MTMR1: variants seen among roughly 807,000 people sequenced by gnomAD.
MTMR1 encodes myotubularin related protein 1.
MTMR1 carries 17 observed loss-of-function variants against 51.6 expected under a neutral mutation model. The observed-to-expected ratio is 0.33, with a 90% CI of 0.23 to 0.49. The LOEUF is 0.49. MTMR1 is among the 20% of genes least tolerant of loss of function. The pLI is 0.99. For missense variants in MTMR1, 386 were observed against 526.9 expected, an observed-to-expected ratio of 0.73 and a Z score of 2.62; for synonymous variants, 201 against 205.6, an observed-to-expected ratio of 0.98 and a Z score of 0.19.
intron 2 of MTMR1, among the ~76,000 whole-genome samples, chrX:150,711,888 C>G (rs1198037254): frequency 9.0e-6 from 1 of 111,440 alleles, no homozygotes; most frequent in Non-Finnish European, 1.9e-5. Flanking sequence ...GCTCTGGGTC[C>G]AAGGTGGGGA....
At chrX:150,712,160 G>A (rs1412751188) in intron 2 of MTMR1, among the ~76,000 whole-genome samples, 182 bp from the exon 3 acceptor site, 2 of 111,976 alleles carry the variant, frequency 1.8e-5, no homozygotes, top group Non-Finnish European at 3.8e-5. Context: ...TAGGACAAAT[G>A]TGTTAGGATT....
chrX:150,736,297 G>C (rs370137512), intron 10 of MTMR1: 1 of 220,282 alleles, frequency 4.5e-6, no homozygotes. Context: ...GGGACTATCG[G>C]AACCTGGGGC....
At chrX:150,728,923 A>G (rs782782567) in intron 6 of MTMR1, among the ~76,000 whole-genome samples, 4 of 108,674 alleles carry the variant, frequency 3.7e-5, no homozygotes, top group Non-Finnish European at 7.6e-5. Context: ...GGCTTACTAA[A>G]CTCACTTTAG....
intron 15 of MTMR1, among the ~76,000 whole-genome samples, chrX:150,760,949 G>C (rs78563434): frequency 1.0e-5 from 1 of 96,956 alleles, no homozygotes; most frequent in Non-Finnish European, 2.1e-5. Flanking sequence ...AAAAAAAAAA[G>C]AAAAAGAAAA....
chrX:150,730,246 T>G (rs2042074128), intron 7 of MTMR1, 36 bp downstream of exon 7: 1 of 971,017 alleles, frequency 1.0e-6, no homozygotes, highest in African/African-American at 2.0e-5. Flanking sequence ...CTGCATGCAT[T>G]TGTGGGGGTC....
chrX:150,748,926 G>C (rs782299702), intron 13 of MTMR1, among the ~76,000 whole-genome samples: 1 of 111,995 alleles, frequency 8.9e-6, no homozygotes, highest in Non-Finnish European at 1.9e-5. Context: ...AATCTTAAAG[G>C]CTCCAAGAAA....
intron 8 of MTMR1, 90 bp downstream of exon 8, chrX:150,730,698 CTT>C: frequency 2.0e-6 from 1 of 510,804 alleles, no homozygotes; most frequent in Non-Finnish European, 3.1e-6. Flanking sequence ...GGAGAAGAAA[CTT>C]TTTCGAACAA....
At chrX:150,711,471 GGAACA>G (rs781888082) in intron 2 of MTMR1, among the ~76,000 whole-genome samples, 2 of 112,263 alleles carry the variant, frequency 1.8e-5, no homozygotes, top group Admixed American at 1.9e-4. Flanking sequence ...TTTGAAATGG[GGAACA>G]GAGATGGTTA....
chrX:150,698,328 G>T (rs1272086876), intron 1 of MTMR1, among the ~76,000 whole-genome samples: 1 of 110,382 alleles, frequency 9.1e-6, no homozygotes, highest in Admixed American at 9.6e-5. Context: ...AAAACCATTT[G>T]TAAGTTGTCA....
chrX:150,725,750 C>A (rs1024349389), intron 4 of MTMR1, among the ~76,000 whole-genome samples: 2 of 111,325 alleles, frequency 1.8e-5, no homozygotes, highest in Non-Finnish European at 3.8e-5. Flanking sequence ...AAACAGTTAT[C>A]TTTTAAGGAT....
At chrX:150,724,103 G>A (rs2041847652) in intron 4 of MTMR1, among the ~76,000 whole-genome samples, 1 of 111,804 alleles carries the variant, frequency 8.9e-6, no homozygotes, top group Non-Finnish European at 1.9e-5. Context: ...ACCTAGTAAT[G>A]GGATTGCTGG....
chrX:150,728,905 A>G (rs915260331), intron 6 of MTMR1, among the ~76,000 whole-genome samples: 2 of 108,594 alleles, frequency 1.8e-5, no homozygotes, highest in Admixed American at 9.9e-5. Context: ...CCAGATCATG[A>G]ATCTGTTGGC....
At chrX:150,726,149 G>A (rs1408729861) in intron 4 of MTMR1, among the ~76,000 whole-genome samples, 1 of 111,653 alleles carries the variant, frequency 9.0e-6, no homozygotes, top group Non-Finnish European at 1.9e-5. Context: ...TCTCCTGTCG[G>A]ATCAGCGGTG....
At chrX:150,718,896 C>T (rs2041653421) in intron 4 of MTMR1, among the ~76,000 whole-genome samples, 196 bp downstream of exon 4, 1 of 110,211 alleles carries the variant, frequency 9.1e-6, no homozygotes, top group Non-Finnish European at 1.9e-5. Context: ...CCGTTAAGTT[C>T]CAATTGAGTA....
chrX:150,695,569 T>A (rs1469702257), intron 1 of MTMR1, among the ~76,000 whole-genome samples: 3 of 112,222 alleles, frequency 2.7e-5, no homozygotes, highest in African/African-American at 9.7e-5. Context: ...TCCAAAATTT[T>A]AGCTTGTGGG....
At chrX:150,712,262 G>A (rs919570525) in intron 2 of MTMR1, 80 bp from the exon 3 acceptor site, 7 of 870,408 alleles carry the variant, frequency 8.0e-6, no homozygotes, top group African/African-American at 6.0e-5. Context: ...TTAGGGAATA[G>A]GCTGTTGAAC....
At chrX:150,732,440 A>G (rs2042145670) in intron 9 of MTMR1, 102 bp from the exon 10 acceptor site, 2 of 748,261 alleles carry the variant, frequency 2.7e-6, no homozygotes, top group African/African-American at 4.3e-5. Context: ...GAAAATATGT[A>G]TAAGAGACCG....
At chrX:150,758,807 A>G (rs188134675) in intron 15 of MTMR1, among the ~76,000 whole-genome samples, 89 of 111,467 alleles carry the variant, frequency 8.0e-4, no homozygotes, top group African/African-American at 2.8e-3. Flanking sequence ...AAAAAAAAAA[A>G]AAAAATTACA....
intron 15 of MTMR1, among the ~76,000 whole-genome samples, chrX:150,760,639 G>C (rs782566333): frequency 3.2e-4 from 36 of 112,139 alleles, no homozygotes; most frequent in African/African-American, 1.2e-3. Flanking sequence ...AAATATGTGA[G>C]TAGGCCAGGC....
Sources: allele counts gnomAD v4.1 joint callset (sites outside exome capture counted in the v4.1 genomes callset), GRCh38; gene constraint gnomAD v4.1.1; transcripts MANE v1.5; gene names NCBI Gene and HGNC (gene_info 2026-07-23, HGNC 2026-07-21).